The following PDE8A variants were observed in gnomAD, a reference collection of about 807,000 sequenced individuals.
PDE8A encodes phosphodiesterase 8A.
In PDE8A, 59 loss-of-function variants were observed where a neutral mutation model predicts 105.0. The ratio of observed to expected loss-of-function variants is 0.56; its 90% CI spans 0.46 to 0.70. PDE8A has a LOEUF of 0.70. Ranked by LOEUF, PDE8A falls within the 30% of genes least tolerant of loss-of-function variation. The pLI, the probability that PDE8A is intolerant of heterozygous loss-of-function variation, is 0.00. For missense variants in PDE8A, 1,014 were observed against 1,045.9 expected (o/e 0.97, Z 0.42); for synonymous variants, 355 against 371.9 (o/e 0.95, Z 0.52).
intron 3 of PDE8A, among the ~76,000 whole-genome samples, chr15:85,074,716 G>A (rs1596492405): frequency 2.0e-5 from 3 of 152,280 alleles, no homozygotes; most frequent in Non-Finnish European, 2.9e-5. Flanking sequence ...AATCTCTTAC[G>A]CATCTGGAAT....
chr15:85,025,650 A>T (rs924606290), intron 1 of PDE8A, among the ~76,000 whole-genome samples: 5 of 152,214 alleles, frequency 3.3e-5, no homozygotes, highest in African/African-American at 9.7e-5. Flanking sequence ...GATGAAAGTT[A>T]TTCATTAATA....
intron 1 of PDE8A, among the ~76,000 whole-genome samples, chr15:85,020,582 C>T (rs1047414475): frequency 4.6e-5 from 7 of 152,062 alleles, no homozygotes; most frequent in Non-Finnish European, 7.4e-5. Context: ...CTAGCCTGAG[C>T]GAGACTGTGT....
chr15:84,993,225 C>T (rs967308217), intron 1 of PDE8A, among the ~76,000 whole-genome samples: 2 of 151,562 alleles, frequency 1.3e-5, no homozygotes, highest in South Asian at 2.1e-4. Context: ...GGGCGGATCA[C>T]AAGGTCAGGA....
chr15:85,070,503 C>G (rs926750940), intron 3 of PDE8A, among the ~76,000 whole-genome samples: 1 of 152,114 alleles, frequency 6.6e-6, no homozygotes, highest in African/African-American at 2.4e-5. Context: ...TTGTGGGTGC[C>G]TGTGTCAAAG....
At chr15:85,024,528 G>A (rs1230765295) in intron 1 of PDE8A, among the ~76,000 whole-genome samples, 1 of 150,700 alleles carries the variant, frequency 6.6e-6, no homozygotes, top group African/African-American at 2.4e-5. Context: ...GGGCCAGTCA[G>A]TCTTTCATCT....
chr15:85,101,232 T>G (rs1357824449), intron 11 of PDE8A, among the ~76,000 whole-genome samples: 1 of 152,100 alleles, frequency 6.6e-6, no homozygotes, highest in African/African-American at 2.4e-5. Flanking sequence ...TTTTTATGGG[T>G]GCCCCAGGAG....
At chr15:85,086,276 A>C (rs1484158765) in intron 6 of PDE8A, among the ~76,000 whole-genome samples, 2 of 152,344 alleles carry the variant, frequency 1.3e-5, no homozygotes, top group Admixed American at 1.3e-4. Context: ...AGTCATTATA[A>C]ACTAACACTT....
intron 1 of PDE8A, among the ~76,000 whole-genome samples, chr15:85,003,676 A>G (rs2080101057): frequency 6.6e-6 from 1 of 152,300 alleles, no homozygotes; most frequent in Non-Finnish European, 1.5e-5. Context: ...GAACTTTTCC[A>G]CTTACTCTGT....
At chr15:85,067,781 G>A (rs2081252229) in intron 3 of PDE8A, among the ~76,000 whole-genome samples, 2 of 152,156 alleles carry the variant, frequency 1.3e-5, no homozygotes, top group Non-Finnish European at 2.9e-5. Flanking sequence ...AAACCCATGG[G>A]TTAAAAACCG....
intron 20 of PDE8A, among the ~76,000 whole-genome samples, chr15:85,130,222 G>A (rs2082311897): frequency 6.6e-6 from 1 of 152,134 alleles, no homozygotes; most frequent in South Asian, 2.1e-4. Context: ...AGGCCACTAA[G>A]CCATTCACGA....
chr15:85,109,993 T>G (rs911761145), intron 12 of PDE8A, among the ~76,000 whole-genome samples: 1 of 152,212 alleles, frequency 6.6e-6, no homozygotes. Flanking sequence ...ATCTACTCTC[T>G]GTGTAGCCTT....
chr15:85,059,484 A>G (rs1469917427), intron 1 of PDE8A, among the ~76,000 whole-genome samples: 1 of 152,076 alleles, frequency 6.6e-6, no homozygotes, highest in Non-Finnish European at 1.5e-5. Flanking sequence ...GTCAGTTTTT[A>G]CTTTATATAT....
At chr15:85,110,845 A>G (rs556879938) in intron 12 of PDE8A, among the ~76,000 whole-genome samples, 2 of 152,284 alleles carry the variant, frequency 1.3e-5, no homozygotes, top group African/African-American at 2.4e-5. Flanking sequence ...TTATTCTCCA[A>G]TAATAGCTCC....
At chr15:85,036,467 C>A (rs1200581422) in intron 1 of PDE8A, among the ~76,000 whole-genome samples, 7 of 152,176 alleles carry the variant, frequency 4.6e-5, no homozygotes, top group African/African-American at 1.7e-4. Context: ...TGGACTTGAA[C>A]CTGTATACAT....
At chr15:85,052,981 C>A (rs183243899) in intron 1 of PDE8A, among the ~76,000 whole-genome samples, 1 of 152,122 alleles carries the variant, frequency 6.6e-6, no homozygotes, top group Non-Finnish European at 1.5e-5. Context: ...GTCTTTAATC[C>A]ATCTTGAATT....
At chr15:85,034,263 T>A (rs1377159794) in intron 1 of PDE8A, among the ~76,000 whole-genome samples, 1 of 152,192 alleles carries the variant, frequency 6.6e-6, no homozygotes, top group African/African-American at 2.4e-5. Flanking sequence ...AAACAACAAA[T>A]GCATTTTTCT....
At chr15:85,104,095 G>C (rs1378455119) in intron 11 of PDE8A, among the ~76,000 whole-genome samples, 2 of 152,198 alleles carry the variant, frequency 1.3e-5, no homozygotes, top group East Asian at 3.8e-4. Flanking sequence ...CTGTCTCACT[G>C]AGGACACCAA....
intron 1 of PDE8A, among the ~76,000 whole-genome samples, chr15:84,983,810 C>T (rs528081874): frequency 1.1e-4 from 17 of 152,204 alleles, no homozygotes; most frequent in Non-Finnish European, 2.1e-4. Flanking sequence ...TAGTGAGGGG[C>T]CTTTGTGTCT....
intron 1 of PDE8A, among the ~76,000 whole-genome samples, chr15:85,045,702 C>A (rs2080876232): frequency 6.6e-6 from 1 of 152,170 alleles, no homozygotes; most frequent in Non-Finnish European, 1.5e-5. Flanking sequence ...TAGCACTGCA[C>A]TTGTCTTACA....
Sources: gnomAD v4.1 joint callset for allele counts (sites outside exome capture counted in the v4.1 genomes callset) on GRCh38, gnomAD v4.1.1 for gene constraint, MANE v1.5 for transcripts, NCBI Gene and HGNC (gene_info 2026-07-23, HGNC 2026-07-21) for gene names.